SLCO1B3: variants seen among roughly 807,000 people sequenced by gnomAD.
SLCO1B3 encodes the protein solute carrier organic anion transporter family member 1B3, also known as liver-specific organic anion transporter 2.
SLCO1B3 carries 72 observed loss-of-function variants against 71.8 expected under a neutral mutation model. The ratio of observed to expected loss-of-function variants is 1.00; its 90% confidence interval spans 0.83 to 1.22. SLCO1B3 has a LOEUF of 1.22. Ranked by LOEUF, SLCO1B3 falls within the 50% of genes most tolerant of loss-of-function variation. The probability of loss-of-function intolerance (pLI) is 0.00; values close to 1 mark genes in which losing one functional copy is unlikely to be tolerated. For missense variants in SLCO1B3, 911 were observed against 819.7 expected (o/e 1.11, Z -1.36); for synonymous variants, 298 against 278.4 (o/e 1.07, Z -0.70).
At chr12:20,847,096 T>C (rs1033431864) in intron 3 of SLCO1B3, among the ~76,000 whole-genome samples, 1 of 152,146 alleles carries the variant, frequency 6.6e-6, no homozygotes, top group Non-Finnish European at 1.5e-5. Context: ...CCTGGAGGTA[T>C]TTAGAAAGCC....
chr12:20,821,616 G>A (rs1864308989), intron 3 of SLCO1B3, among the ~76,000 whole-genome samples: 1 of 152,144 alleles, frequency 6.6e-6, no homozygotes, highest in South Asian at 2.1e-4. Context: ...GCCACTAAGG[G>A]TGAAGGAGAA....
chr12:20,851,295 C>A (rs1293877455), intron 3 of SLCO1B3, among the ~76,000 whole-genome samples: 1 of 152,150 alleles, frequency 6.6e-6, no homozygotes, highest in Non-Finnish European at 1.5e-5. Flanking sequence ...ACAACAAACA[C>A]AGTGGATCCA....
intron 15 of SLCO1B3, among the ~76,000 whole-genome samples, chr12:20,908,335 A>G (rs1390303914): frequency 6.6e-6 from 1 of 152,202 alleles, no homozygotes; most frequent in Non-Finnish European, 1.5e-5. Context: ...AACATCTCCC[A>G]TCAGGATGGT....
rs1006806249 is a variant in SLCO1B3 at position 20,843,621 on chromosome 12, A to G, written c.85-11407A>G. Among the ~76,000 whole-genome samples the G allele has an allele frequency of 3.9e-5, 6 of 152,078 alleles. No individual in the cohort carries two copies. In the East Asian group the frequency reaches 9.6e-4, roughly 24 times the overall value. ...TGGTGAAACCCCGTCTCTACTAAAA[A>G]TACAAAAAAATTAGCTGGGTGTGGT... On this transcript the variant is annotated intron_variant, in intron 3 of 15. Transcript: ENST00000381545.
intron 3 of SLCO1B3, among the ~76,000 whole-genome samples, chr12:20,830,466 G>C (rs1565580640): frequency 6.6e-6 from 1 of 152,118 alleles, no homozygotes; most frequent in African/African-American, 2.4e-5. Flanking sequence ...GAGCAGGTAG[G>C]TAAATAGTCA....
chr12:20,895,169 C>G (rs1003100277), intron 13 of SLCO1B3, among the ~76,000 whole-genome samples: 5 of 152,080 alleles, frequency 3.3e-5, no homozygotes, highest in African/African-American at 1.2e-4. Flanking sequence ...GGACACAGAG[C>G]CAAACCATTT....
chr12:20,843,371 T>A (rs10770750), intron 3 of SLCO1B3, among the ~76,000 whole-genome samples: 109,842 of 151,746 alleles, frequency 0.72, 42,325 homozygotes, highest in South Asian at 0.9. Context: ...TTTCAGTGTG[T>A]ATCTTTACAT....
At chr12:20,890,702 A>G (rs928684905) in intron 13 of SLCO1B3, among the ~76,000 whole-genome samples, 8 of 152,136 alleles carry the variant, frequency 5.3e-5, no homozygotes, top group African/African-American at 1.2e-4. Flanking sequence ...GGGTGCTCCA[A>G]TGTTGGGTTT....
At chr12:20,894,370 G>A (rs941679542) in intron 13 of SLCO1B3, among the ~76,000 whole-genome samples, 7 of 152,106 alleles carry the variant, frequency 4.6e-5, no homozygotes, top group African/African-American at 1.7e-4. Flanking sequence ...CATGCATGTG[G>A]ATGTAGGGGT....
At position 20,855,070 on chromosome 12, in the gene SLCO1B3, C is replaced by G. The variant is rs11045565; in HGVS notation, c.127C>G (p.Leu43Val). ...ALSFSYIAKA[L>V]GGIIMKISIT... ...GTCATTCAGCTATATTGCTAAAGCA[C>G]TAGGTGGAATCATTATGAAAATTTC... Residue 43 changes from leucine to valine, a missense_variant, in exon 4 of 16, where the codon CTA becomes GTA. By Grantham distance (32) the Leu-to-Val change is conservative. Coordinates refer to ENST00000381545, the MANE Select transcript of SLCO1B3 (RefSeq NM_019844.4). 3.7e-6 allele frequency: 6 copies of G among 1,611,848 alleles called. No individual in the cohort carries two copies. The Admixed American group carries it at 6.7e-5, about 18-fold the overall frequency.
Position 20,879,453 on chromosome 12 carries a change from A to G in SLCO1B3, c.1153A>G (p.Thr385Ala). Residue 385 changes from threonine (T) to alanine (A), a missense_variant, in exon 11 of 16, where the codon ACG becomes GCG. Physicochemically the swap from Thr to Ala is moderately conservative, Grantham distance 58. Coordinates refer to ENST00000381545, the MANE Select transcript of SLCO1B3 (RefSeq NM_019844.4). The stretch of plus-strand genomic sequence containing the variant: ...ATTTCTAGGAATCATAACCATTCCT[A>G]CGGTTGCAACTGGAATGTTTTTAGG... ...NFLLGIITIP[T>A]VATGMFLGGF... 6.2e-7 allele frequency: 1 copy of G among 1,603,652 alleles called. No homozygotes were observed. The highest frequency in any genetic ancestry group is 8.5e-7 in the Non-Finnish European group (1 of 1,172,632).
intron 3 of SLCO1B3, among the ~76,000 whole-genome samples, chr12:20,826,827 T>C (rs1864433788): frequency 6.6e-6 from 1 of 152,100 alleles, no homozygotes; most frequent in Non-Finnish European, 1.5e-5. Context: ...TCATAAACTT[T>C]AGCCTTTGTA....
rs568102971 is a variant in SLCO1B3 at position 20,842,208 on chromosome 12, A to G, written c.85-12820A>G. Among the ~76,000 whole-genome samples the G allele has an allele frequency of 7.9e-5, 12 of 152,028 alleles. 1 individual carries two copies. Among genetic ancestry groups the G allele is most frequent in the East Asian group, 1.9e-4 (1 of 5,172 alleles). On this transcript the variant is annotated intron_variant, in intron 3 of 15. Coordinates refer to ENST00000381545, the MANE Select transcript of SLCO1B3 (RefSeq NM_019844.4). The stretch of plus-strand genomic sequence containing the variant: ...CATGCCCAACCAGATGTAGAATTTT[A>G]TATGAATTTTATATGTATCTTAGAG...
chr12:20,848,717 G>A (rs1315830914), intron 3 of SLCO1B3, among the ~76,000 whole-genome samples: 2 of 152,010 alleles, frequency 1.3e-5, no homozygotes, highest in South Asian at 2.1e-4. Flanking sequence ...ATAACTGTAA[G>A]CAAAGAAGCA....
At chr12:20,912,878 T>G (rs1415522576) in intron 15 of SLCO1B3, among the ~76,000 whole-genome samples, 1 of 46,158 alleles carries the variant, frequency 2.2e-5, no homozygotes, top group Non-Finnish European at 1.4e-4. Context: ...TTGTTCACCA[T>G]GTTGATCAGT....
chr12:20,861,242 G>T, intron 6 of SLCO1B3, 104 bp downstream of exon 6: 1 of 1,048,864 alleles, frequency 9.5e-7, no homozygotes, highest in Non-Finnish European at 1.4e-6. Flanking sequence ...AGAACAAATA[G>T]GAAGAACATT....
intron 13 of SLCO1B3, among the ~76,000 whole-genome samples, chr12:20,897,931 A>G (rs1866047678): frequency 6.6e-6 from 1 of 152,200 alleles, no homozygotes. Flanking sequence ...TACATTAGAC[A>G]CTAGAATACA....
intron 8 of SLCO1B3, among the ~76,000 whole-genome samples, chr12:20,869,464 A>G (rs1268949838): frequency 6.6e-6 from 1 of 152,238 alleles, no homozygotes; most frequent in Admixed American, 6.5e-5. Context: ...ATATTCATAT[A>G]TAATCATATC....
intron 3 of SLCO1B3, among the ~76,000 whole-genome samples, chr12:20,848,200 G>A (rs1864954659): frequency 6.6e-6 from 1 of 152,082 alleles, no homozygotes; most frequent in Admixed American, 6.5e-5. Context: ...CCTTACTGAT[G>A]GGCATATACA....
Sources: gnomAD v4.1 joint callset for allele counts (sites outside exome capture counted in the v4.1 genomes callset) on GRCh38, gnomAD v4.1.1 for gene constraint, MANE v1.5 for transcripts, NCBI Gene and HGNC (gene_info 2026-07-23, HGNC 2026-07-21) for gene names.